The following KCNJ3 variants were observed in gnomAD, a reference collection of about 807,000 sequenced individuals.
KCNJ3 encodes the protein potassium inwardly rectifying channel subfamily J member 3, also known as G protein-activated inward rectifier potassium channel 1.
Under a neutral mutation model 39.2 loss-of-function variants are expected in KCNJ3, and 4 were observed. The ratio of observed to expected loss-of-function variants is 0.10; its 90% confidence interval spans 0.05 to 0.23. The LOEUF is 0.23. Among genes scored for constraint, KCNJ3 ranks in the 10% least tolerant of loss-of-function variants. KCNJ3 has a pLI of 1.00. For synonymous variants in KCNJ3, 230 were observed against 237.4 expected, an observed-to-expected ratio of 0.97 and a Z score of 0.29; for missense variants, 276 against 634.9, an observed-to-expected ratio of 0.43 and a Z score of 6.08.
chr2:154,818,880 T>C (rs141551147), intron 2 of KCNJ3, among the ~76,000 whole-genome samples: 57 of 139,432 alleles, frequency 4.1e-4, no homozygotes, highest in Admixed American at 1.0e-3. Context: ...CTAAACATAA[T>C]AGAAATCCAA....
At chr2:154,853,605 C>T (rs1318168422) in intron 2 of KCNJ3, among the ~76,000 whole-genome samples, 2 of 151,928 alleles carry the variant, frequency 1.3e-5, no homozygotes, top group African/African-American at 4.8e-5. Context: ...GTCTATTAGA[C>T]TTCTATTAAA....
chr2:154,812,697 G>C (rs1687024623), intron 2 of KCNJ3, among the ~76,000 whole-genome samples: 2 of 152,006 alleles, frequency 1.3e-5, no homozygotes, highest in Admixed American at 1.3e-4. Context: ...CATTCATACA[G>C]GTGCAGTATA....
At chr2:154,806,830 A>C (rs955982741) in intron 2 of KCNJ3, among the ~76,000 whole-genome samples, 3 of 152,176 alleles carry the variant, frequency 2.0e-5, no homozygotes, top group African/African-American at 7.2e-5. Context: ...TACCTTAAAA[A>C]GACACGTAAC....
intron 1 of KCNJ3, among the ~76,000 whole-genome samples, chr2:154,706,817 G>A (rs112825459): frequency 0.018 from 2,683 of 152,108 alleles, 72 homozygotes; most frequent in African/African-American, 0.061. Flanking sequence ...AGATAAGTTC[G>A]CTGTAGTCAG....
At position 154,785,795 on chromosome 2, in the gene KCNJ3, A is replaced by G. The variant is rs554289199; in HGVS notation, c.920-68932A>G. ...CTGTGCATTCAAATTTCCCCTTCTT[A>G]TAAGGATACCAGTCAGATTGGATTA... On this transcript the variant is annotated intron_variant, in intron 2 of 2. Coordinates refer to ENST00000295101, the MANE Select transcript of KCNJ3 (RefSeq NM_002239.4). Among the ~76,000 whole-genome samples, 4 of 152,276 alleles carry G rather than the reference A, an allele frequency of 2.6e-5. No individual in the cohort carries two copies. The East Asian group carries it at 7.7e-4, about 29-fold the overall frequency.
At chr2:154,806,330 G>A (rs530348584) in intron 2 of KCNJ3, among the ~76,000 whole-genome samples, 8 of 152,248 alleles carry the variant, frequency 5.3e-5, no homozygotes, top group African/African-American at 1.7e-4. Context: ...CAATGCAATG[G>A]AACCAGACAG....
At position 154,791,258 on chromosome 2, in the gene KCNJ3, T is replaced by G. The variant is rs1394639059; in HGVS notation, c.920-63469T>G. ...AAAGCCGTTAAACTGCTAAAGCATA[T>G]GCCCAAAATTTGGTCTAGGAAAGAG... On this transcript the variant is annotated intron_variant, in intron 2 of 2. Coordinates refer to ENST00000295101, the MANE Select transcript of KCNJ3 (RefSeq NM_002239.4). Among the ~76,000 whole-genome samples, 3 of 144,738 alleles carry G rather than the reference T, an allele frequency of 2.1e-5. No homozygotes were observed. In the East Asian group the frequency reaches 5.9e-4, roughly 28 times the overall value. The allele number at this position is 144,738 out of a possible 152,430, so 95.0% of individuals were successfully genotyped here. A position where few individuals can be genotyped will look rare whatever the true frequency, so the allele number is the denominator to read the frequency against.
intron 2 of KCNJ3, among the ~76,000 whole-genome samples, chr2:154,736,505 A>G (rs1685533772): frequency 6.6e-6 from 1 of 151,622 alleles, no homozygotes; most frequent in South Asian, 2.1e-4. Flanking sequence ...ACAAAAACAA[A>G]CCTGACATTG....
intron 2 of KCNJ3, among the ~76,000 whole-genome samples, chr2:154,803,444 G>T (rs2105218096): frequency 6.6e-6 from 1 of 151,546 alleles, no homozygotes; most frequent in East Asian, 1.9e-4. Context: ...CTAACACACA[G>T]AAAATAATTG....
intron 1 of KCNJ3, among the ~76,000 whole-genome samples, chr2:154,705,442 T>C (rs1014971807): frequency 2.6e-5 from 4 of 152,292 alleles, no homozygotes; most frequent in African/African-American, 9.6e-5. Flanking sequence ...TGATGATCCC[T>C]TCTAGGCACC....
chr2:154,805,723 AGTTT>A (rs1422226626), intron 2 of KCNJ3, among the ~76,000 whole-genome samples: 1 of 152,170 alleles, frequency 6.6e-6, no homozygotes. Context: ...TTAAATCTCT[AGTTT>A]AAGAATGTGC....
chr2:154,805,786 A>G (rs1200702507), intron 2 of KCNJ3, among the ~76,000 whole-genome samples: 1 of 152,188 alleles, frequency 6.6e-6, no homozygotes, highest in Non-Finnish European at 1.5e-5. Context: ...CATCAAATTT[A>G]CATGAAGTGA....
chr2:154,757,544 G>A (rs914890887), intron 2 of KCNJ3, among the ~76,000 whole-genome samples: 1 of 151,760 alleles, frequency 6.6e-6, no homozygotes, highest in African/African-American at 2.4e-5. Context: ...ATCTTATTAT[G>A]TAGTAAGAAT....
chr2:154,725,995 A>G (rs1390699966), intron 2 of KCNJ3, among the ~76,000 whole-genome samples: 1 of 152,186 alleles, frequency 6.6e-6, no homozygotes, highest in Non-Finnish European at 1.5e-5. Context: ...AAGACCTGAA[A>G]CCATAAAAAT....
At chr2:154,808,082 A>ATT (rs34093983) in intron 2 of KCNJ3, among the ~76,000 whole-genome samples, 17 of 142,230 alleles carry the variant, frequency 1.2e-4, no homozygotes, top group African/African-American at 3.1e-4. Flanking sequence ...GGGCATTTAA[A>ATT]TTTTTTTTTT....
At chr2:154,838,443 T>C (rs1318327484) in intron 2 of KCNJ3, among the ~76,000 whole-genome samples, 2 of 152,194 alleles carry the variant, frequency 1.3e-5, no homozygotes, top group African/African-American at 4.8e-5. Context: ...TACCTCAGTA[T>C]CTTTATCAGT....
At chr2:154,773,107 G>C (rs574634658) in intron 2 of KCNJ3, among the ~76,000 whole-genome samples, 5 of 151,846 alleles carry the variant, frequency 3.3e-5, no homozygotes, top group South Asian at 2.1e-4. Context: ...AGAAACCTTT[G>C]GTGAAAAGTT....
chr2:154,798,321 T>G (rs1242059109), intron 2 of KCNJ3, among the ~76,000 whole-genome samples: 1 of 152,110 alleles, frequency 6.6e-6, no homozygotes, highest in African/African-American at 2.4e-5. Context: ...AAACGTCCTA[T>G]ACCTCAAATA....
intron 2 of KCNJ3, among the ~76,000 whole-genome samples, chr2:154,831,031 G>T (rs1023354654): frequency 1.3e-5 from 2 of 152,006 alleles, no homozygotes; most frequent in African/African-American, 4.8e-5. Context: ...ATATCTTTTT[G>T]ATCTATCTCT....
Sources: gnomAD v4.1 joint callset for allele counts (sites outside exome capture counted in the v4.1 genomes callset) on GRCh38, gnomAD v4.1.1 for gene constraint, MANE v1.5 for transcripts, NCBI Gene and HGNC (gene_info 2026-07-23, HGNC 2026-07-21) for gene names.